The following ACYP2 variants were observed in gnomAD, a reference collection of about 807,000 sequenced individuals.
ACYP2 encodes the protein acylphosphatase-2.
Under a neutral mutation model 11.2 loss-of-function variants are expected in ACYP2, and 12 were observed. That is an observed-to-expected ratio of 1.08 (90% CI 0.69 to 1.74). The LOEUF is 1.74. ACYP2 is among the 40% of genes most tolerant of loss of function. The pLI, the probability that ACYP2 is intolerant of heterozygous loss-of-function variation, is 0.00. For synonymous variants in ACYP2, 43 were observed against 32.2 expected (o/e 1.33, Z -1.13); for missense variants, 134 against 101.9 (o/e 1.31, Z -1.35).
At chr2:54,068,555 C>T (rs769627939) in intron 4 of ACYP2, among the ~76,000 whole-genome samples, 51 of 152,274 alleles carry the variant, frequency 3.3e-4, no homozygotes, top group Non-Finnish European at 5.3e-4. Flanking sequence ...AAACTAGGTC[C>T]AAAGAGAACT....
chr2:54,231,803 C>T (rs1012256716), intron 6 of ACYP2, among the ~76,000 whole-genome samples: 8 of 152,162 alleles, frequency 5.3e-5, no homozygotes, highest in South Asian at 2.1e-4. Context: ...CTCTCGGGCA[C>T]GCCACCACAG....
chr2:54,120,272 G>A (rs1183490524), intron 4 of ACYP2, among the ~76,000 whole-genome samples: 1 of 152,174 alleles, frequency 6.6e-6, no homozygotes, highest in Non-Finnish European at 1.5e-5. Context: ...TTTGGGAGAG[G>A]GTTAAGAGAG....
intron 2 of ACYP2, among the ~76,000 whole-genome samples, chr2:54,042,209 T>C (rs532960991): frequency 3.3e-5 from 5 of 152,312 alleles, no homozygotes; most frequent in Non-Finnish European, 5.9e-5. Context: ...TTTCTCCATG[T>C]TGGTCAGGCT....
At chr2:54,267,182 T>C in intron 6 of ACYP2, 2 of 1,070,184 alleles carry the variant, frequency 1.9e-6, no homozygotes, top group Non-Finnish European at 2.7e-6. Flanking sequence ...CATGTATTTT[T>C]TCATCAAGAA....
At chr2:54,209,472 T>G (rs1685233460) in intron 6 of ACYP2, among the ~76,000 whole-genome samples, 1 of 152,190 alleles carries the variant, frequency 6.6e-6, no homozygotes, top group Non-Finnish European at 1.5e-5. Flanking sequence ...GTACACTTCT[T>G]ATAAGGTATG....
rs531173071 is a variant in ACYP2 at position 54,008,932 on chromosome 2, C to T, written c.62+35122C>T. 1.2e-4 allele frequency among the ~76,000 whole-genome samples: 18 copies of T among 152,228 alleles called. No homozygotes were observed. The South Asian group carries it at 3.7e-3, about 32-fold the overall frequency. On this transcript the variant is annotated intron_variant, in intron 2 of 6. Transcript: ENST00000607452. Reference sequence around the variant, plus strand: ...CTTTCCGAGGCTGAGGCAGGCAGATCACCTGAGGTCAAGAGTTCGAGACCA... The same window carrying T: ...CTTTCCGAGGCTGAGGCAGGCAGATTACCTGAGGTCAAGAGTTCGAGACCA...
At chr2:54,184,018 C>A (rs1683865117) in intron 6 of ACYP2, among the ~76,000 whole-genome samples, 1 of 152,202 alleles carries the variant, frequency 6.6e-6, no homozygotes, top group African/African-American at 2.4e-5. Context: ...GATAGATGCT[C>A]AACACTTCCA....
At chr2:54,105,450 C>T (rs1224673045) in intron 4 of ACYP2, among the ~76,000 whole-genome samples, 1 of 152,102 alleles carries the variant, frequency 6.6e-6, no homozygotes, top group Non-Finnish European at 1.5e-5. Flanking sequence ...AAGCCCTAAT[C>T]TACCCCCATC....
chr2:54,239,260 C>T (rs1285827808), intron 6 of ACYP2, among the ~76,000 whole-genome samples: 1 of 152,046 alleles, frequency 6.6e-6, no homozygotes, highest in Non-Finnish European at 1.5e-5. Context: ...TCTGCTTTTC[C>T]AGGAATGTCT....
chr2:54,001,476 C>T (rs2104527703), intron 2 of ACYP2, among the ~76,000 whole-genome samples: 1 of 152,286 alleles, frequency 6.6e-6, no homozygotes, highest in South Asian at 2.1e-4. Context: ...TCTCTGCAAC[C>T]TCCGCCTTCT....
chr2:54,171,113 A>G (rs1158304583), intron 6 of ACYP2, among the ~76,000 whole-genome samples: 1 of 152,092 alleles, frequency 6.6e-6, no homozygotes, highest in Non-Finnish European at 1.5e-5. Flanking sequence ...GCTCCTCTCA[A>G]GGTTAACCTT....
intron 2 of ACYP2, among the ~76,000 whole-genome samples, chr2:53,998,330 A>G (rs1392058980): frequency 6.6e-6 from 1 of 152,242 alleles, no homozygotes; most frequent in African/African-American, 2.4e-5. Flanking sequence ...GTGAATGAGA[A>G]TAAATCTGTA....
chr2:54,233,847 A>G (rs952093897), intron 6 of ACYP2, among the ~76,000 whole-genome samples: 2 of 152,102 alleles, frequency 1.3e-5, no homozygotes, highest in Non-Finnish European at 2.9e-5. Context: ...AGATAAAAAG[A>G]AAAAATATAA....
rs371733034 is a variant in ACYP2 at position 54,138,044 on chromosome 2, C to T, written c.295-595C>T. 1.8e-4 allele frequency among the ~76,000 whole-genome samples: 27 copies of T among 152,252 alleles called. No homozygotes were observed. The East Asian group carries it at 2.9e-3, about 16-fold the overall frequency. On this transcript the variant is annotated intron_variant, in intron 5 of 6. Coordinates refer to ENST00000607452, the MANE Select transcript of ACYP2 (RefSeq NM_001320586.2). Reference sequence around the variant, plus strand: ...TTCTCTAATGATTGGTGATATTGAGCATTTTTTCATATGCTTCTTGGCCAC... The same window carrying T: ...TTCTCTAATGATTGGTGATATTGAGTATTTTTTCATATGCTTCTTGGCCAC...
At chr2:54,169,684 G>GT (rs1009913222) in intron 6 of ACYP2, among the ~76,000 whole-genome samples, 6 of 151,654 alleles carry the variant, frequency 4.0e-5, no homozygotes, top group African/African-American at 9.7e-5. Context: ...GAAACTTACG[G>GT]TTTTTTTTCC....
At chr2:54,002,478 T>G (rs1216360057) in intron 2 of ACYP2, among the ~76,000 whole-genome samples, 1 of 151,778 alleles carries the variant, frequency 6.6e-6, no homozygotes, top group Non-Finnish European at 1.5e-5. Flanking sequence ...CCCTAGTAGC[T>G]GGGATTATAA....
chr2:54,165,533 TCTCACA>T (rs1379413868), intron 6 of ACYP2, among the ~76,000 whole-genome samples: 39 of 123,738 alleles, frequency 3.2e-4, no homozygotes, highest in African/African-American at 1.1e-3. Flanking sequence ...TCTCTCTCTC[TCTCACA>T]CACACACACA....
intron 6 of ACYP2, chr2:54,267,365 G>A: frequency 1.3e-6 from 2 of 1,544,860 alleles, no homozygotes; most frequent in Non-Finnish European, 8.7e-7. Flanking sequence ...GGAGAATTCA[G>A]GTGAGAGGTT....
chr2:54,254,965 C>A, intron 6 of ACYP2: 1 of 1,613,838 alleles, frequency 6.2e-7, no homozygotes, highest in East Asian at 2.2e-5. Context: ...CACTGGCTCC[C>A]TTACCAGGCG....
Sources: gnomAD v4.1 joint callset for allele counts (sites outside exome capture counted in the v4.1 genomes callset) on GRCh38, gnomAD v4.1.1 for gene constraint, MANE v1.5 for transcripts, NCBI Gene and HGNC (gene_info 2026-07-23, HGNC 2026-07-21) for gene names.